Variants in CLVS1 observed in about 807,000 individuals in gnomAD.
The protein encoded by CLVS1 is clavesin 1.
CLVS1 carries 10 observed loss-of-function variants against 33.1 expected under a neutral mutation model. That is an observed-to-expected ratio of 0.30 (90% CI 0.19 to 0.51). CLVS1 has a LOEUF of 0.51. Ranked by LOEUF, CLVS1 falls within the 20% of genes least tolerant of loss-of-function variation. The probability of loss-of-function intolerance (pLI) is 0.97; values close to 1 mark genes in which losing one functional copy is unlikely to be tolerated. For missense variants in CLVS1, 343 were observed against 433.4 expected (o/e 0.79, Z 1.85); for synonymous variants, 163 against 166.1 (o/e 0.98, Z 0.14).
intron 2 of CLVS1, among the ~76,000 whole-genome samples, chr8:61,211,582 C>T (rs1329570453): frequency 3.3e-5 from 5 of 152,150 alleles, no homozygotes; most frequent in African/African-American, 4.8e-5. Flanking sequence ...TCTCATGAGT[C>T]GTTCATGATT....
chr8:61,308,391 T>TACAG (rs1810706971), intron 2 of CLVS1, among the ~76,000 whole-genome samples: 2 of 152,178 alleles, frequency 1.3e-5, no homozygotes, highest in South Asian at 4.2e-4. Context: ...TGGTTAGATG[T>TACAG]TTCAAAATAT....
the CLVS1 span, among the ~76,000 whole-genome samples, chr8:60,999,562 A>G: frequency 6.6e-6 from 1 of 152,350 alleles, no homozygotes; most frequent in South Asian, 2.1e-4. Flanking sequence ...TGAAAACATT[A>G]AAGCCCCACA....
At chr8:61,335,195 C>A (rs1425146311) in intron 2 of CLVS1, among the ~76,000 whole-genome samples, 1 of 152,228 alleles carries the variant, frequency 6.6e-6, no homozygotes. Flanking sequence ...GAGTCAGAAT[C>A]TGTAGCCTCC....
chr8:61,003,406 A>T, the CLVS1 span, among the ~76,000 whole-genome samples: 1 of 152,200 alleles, frequency 6.6e-6, no homozygotes, highest in Non-Finnish European at 1.5e-5. Flanking sequence ...AGCCACCAAC[A>T]TGTTGGAAGT....
At chr8:61,475,531 T>A (rs1469721544) in intron 5 of CLVS1, among the ~76,000 whole-genome samples, 1 of 152,260 alleles carries the variant, frequency 6.6e-6, no homozygotes, top group East Asian at 1.9e-4. Flanking sequence ...TTGATTTACA[T>A]TTCTCTGACA....
chr8:61,349,793 A>G (rs550944673), intron 2 of CLVS1, among the ~76,000 whole-genome samples: 1 of 152,218 alleles, frequency 6.6e-6, no homozygotes, highest in South Asian at 2.1e-4. Flanking sequence ...CATAAATGGA[A>G]GTTTCACACA....
At chr8:61,191,473 G>A (rs1364093049) in intron 2 of CLVS1, among the ~76,000 whole-genome samples, 16 of 152,166 alleles carry the variant, frequency 1.1e-4, no homozygotes, top group Admixed American at 5.9e-4. Context: ...GCAAGACAGG[G>A]ATGTGCTCTC....
the CLVS1 span, among the ~76,000 whole-genome samples, chr8:60,980,423 G>A: frequency 1.3e-5 from 2 of 152,156 alleles, no homozygotes; most frequent in African/African-American, 4.8e-5. Context: ...GCATAGAAAC[G>A]GTAGTGGGTT....
the CLVS1 span, among the ~76,000 whole-genome samples, chr8:61,005,728 A>G: frequency 2.0e-5 from 3 of 152,208 alleles, no homozygotes; most frequent in Non-Finnish European, 4.4e-5. Context: ...AAAGTCCTTT[A>G]AAATAAAACT....
intron 3 of CLVS1, among the ~76,000 whole-genome samples, chr8:61,394,095 C>A (rs1021458878): frequency 2.0e-5 from 3 of 152,166 alleles, no homozygotes; most frequent in Non-Finnish European, 4.4e-5. Context: ...GCCTCTAATC[C>A]CAGCACTTTG....
chr8:61,460,910 G>C (rs1817344371), intron 5 of CLVS1, among the ~76,000 whole-genome samples: 1 of 152,216 alleles, frequency 6.6e-6, no homozygotes, highest in Admixed American at 6.5e-5. Flanking sequence ...TCAAAGAAAT[G>C]CTTCAGAATC....
chr8:61,191,950 C>T (rs1181908298), intron 2 of CLVS1, among the ~76,000 whole-genome samples: 1 of 152,148 alleles, frequency 6.6e-6, no homozygotes, highest in Non-Finnish European at 1.5e-5. Context: ...GGCCATACTG[C>T]CCAATGTAAT....
intron 2 of CLVS1, among the ~76,000 whole-genome samples, chr8:61,373,332 G>A (rs192625918): frequency 2.0e-5 from 3 of 152,252 alleles, no homozygotes; most frequent in Admixed American, 6.5e-5. Flanking sequence ...GAAAAGTAAA[G>A]CATTCAAACA....
At chr8:61,242,761 C>G (rs1241040962) in intron 2 of CLVS1, among the ~76,000 whole-genome samples, 2 of 151,834 alleles carry the variant, frequency 1.3e-5, no homozygotes, top group Non-Finnish European at 2.9e-5. Flanking sequence ...TCTTTGAACT[C>G]CAGCCTGGGC....
At chr8:61,118,014 G>T (rs1353148482) in intron 1 of CLVS1, among the ~76,000 whole-genome samples, 1 of 152,106 alleles carries the variant, frequency 6.6e-6, no homozygotes, top group African/African-American at 2.4e-5. Flanking sequence ...GACTCTTTTT[G>T]GTTGGTAAGC....
chr8:61,103,912 G>A (rs550864819), intron 1 of CLVS1, among the ~76,000 whole-genome samples: 2 of 152,308 alleles, frequency 1.3e-5, no homozygotes, highest in South Asian at 2.1e-4. Context: ...AGATTCTAAT[G>A]TATCATCCCT....
intron 3 of CLVS1, among the ~76,000 whole-genome samples, chr8:61,384,984 T>A (rs969130548): frequency 6.6e-6 from 1 of 152,002 alleles, no homozygotes; most frequent in African/African-American, 2.4e-5. Context: ...GGTGGGGGTG[T>A]CATCTAGAGA....
the CLVS1 span, among the ~76,000 whole-genome samples, chr8:61,000,790 T>G: frequency 2.6e-5 from 4 of 152,148 alleles, no homozygotes; most frequent in Non-Finnish European, 4.4e-5. Flanking sequence ...CCCTTCACAG[T>G]GACTGAACCC....
At chr8:61,076,360 C>G (rs1038283732) in intron 1 of CLVS1, among the ~76,000 whole-genome samples, 4 of 152,186 alleles carry the variant, frequency 2.6e-5, no homozygotes, top group Non-Finnish European at 4.4e-5. Context: ...CTCTCCTTAG[C>G]CTTTTCCTTT....
Sources: gnomAD v4.1 joint callset for allele counts (sites outside exome capture counted in the v4.1 genomes callset) on GRCh38, gnomAD v4.1.1 for gene constraint, MANE v1.5 for transcripts, NCBI Gene and HGNC (gene_info 2026-07-23, HGNC 2026-07-21) for gene names.